The following PACRG variants were observed in gnomAD, a reference collection of about 807,000 sequenced individuals.
The protein encoded by PACRG is parkin coregulated.
Under a neutral mutation model 29.7 loss-of-function variants are expected in PACRG, and 29 were observed. The ratio of observed to expected loss-of-function variants is 0.98; its 90% CI spans 0.73 to 1.33. The LOEUF is 1.33. Ranked by LOEUF, PACRG falls within the 40% of genes most tolerant of loss-of-function variation. The probability of loss-of-function intolerance (pLI) is 0.00; values close to 1 mark genes in which losing one functional copy is unlikely to be tolerated. For missense variants in PACRG, 279 were observed against 316.2 expected (o/e 0.88, Z 0.89); for synonymous variants, 116 against 118.7 (o/e 0.98, Z 0.15).
chr6:162,859,667 G>A (rs1018056479), intron 2 of PACRG, among the ~76,000 whole-genome samples: 5 of 152,162 alleles, frequency 3.3e-5, no homozygotes, highest in African/African-American at 1.2e-4. Flanking sequence ...AGACCCTCAA[G>A]TGATAGGTGT....
In PACRG at chr6:163,285,623, A is replaced by G. The variant is rs1784372808; in HGVS notation, c.614-29204A>G. On this transcript the variant is annotated intron_variant, in intron 4 of 4. Transcript: ENST00000366888. The stretch of plus-strand genomic sequence containing the variant: ...AGCAATTAGGAAAATGGCCCAGCCC[A>G]GAGAGCTGGAGCAGAAATGAAGTCC... Among the ~76,000 whole-genome samples the G allele has an allele frequency of 2.6e-5, 4 of 152,208 alleles. No homozygotes were observed. In the South Asian group the frequency reaches 8.3e-4, roughly 32 times the overall value.
intron 1 of PACRG, among the ~76,000 whole-genome samples, chr6:162,809,956 G>A (rs774375495): frequency 1.1e-4 from 16 of 152,206 alleles, no homozygotes; most frequent in Non-Finnish European, 2.1e-4. Flanking sequence ...TCCCCACTTA[G>A]TGACGAAAGA....
At chr6:163,020,005 C>T (rs1562837342) in intron 2 of PACRG, among the ~76,000 whole-genome samples, 2 of 152,150 alleles carry the variant, frequency 1.3e-5, no homozygotes, top group Non-Finnish European at 2.9e-5. Context: ...ATGTCTTTGG[C>T]GAGATGTCTT....
intron 1 of PACRG, among the ~76,000 whole-genome samples, chr6:162,759,281 T>A (rs1016449885): frequency 3.3e-5 from 5 of 152,176 alleles, no homozygotes; most frequent in Non-Finnish European, 7.4e-5. Flanking sequence ...CCTTTCCAAT[T>A]CATACATTGT....
intron 4 of PACRG, among the ~76,000 whole-genome samples, 190 bp from the exon 5 acceptor site, chr6:163,314,637 C>T (rs1489547538): frequency 2.6e-5 from 4 of 152,170 alleles, no homozygotes; most frequent in African/African-American, 9.7e-5. Context: ...GGTTATTTTT[C>T]ATCGGCTCCA....
chr6:163,027,016 A>C (rs1428942274), intron 2 of PACRG, among the ~76,000 whole-genome samples: 2 of 152,248 alleles, frequency 1.3e-5, no homozygotes, highest in African/African-American at 4.8e-5. Flanking sequence ...AAGGATAAAA[A>C]TAGCATCCTC....
At chr6:162,784,203 G>A (rs1235822635) in intron 1 of PACRG, among the ~76,000 whole-genome samples, 1 of 152,086 alleles carries the variant, frequency 6.6e-6, no homozygotes, top group Non-Finnish European at 1.5e-5. Context: ...TTAACAATGT[G>A]ACAGGAACTT....
intron 4 of PACRG, among the ~76,000 whole-genome samples, chr6:163,255,001 A>T (rs1451763168): frequency 1.3e-5 from 2 of 152,354 alleles, no homozygotes; most frequent in Middle Eastern, 3.4e-3. Context: ...CTTACACGTG[A>T]AACCGAGGCT....
chr6:162,779,021 C>T (rs1572150), intron 1 of PACRG, among the ~76,000 whole-genome samples: 97,681 of 151,976 alleles, frequency 0.64, 31,811 homozygotes, highest in South Asian at 0.82. Context: ...CTTCCTGATG[C>T]GTTCCCTCCC....
At chr6:162,938,510 CCCA>C in intron 2 of PACRG, among the ~76,000 whole-genome samples, 1 of 151,628 alleles carries the variant, frequency 6.6e-6, no homozygotes, top group African/African-American at 2.4e-5. Flanking sequence ...AGTTTACACT[CCCA>C]CCAGTAGTGG....
Position 162,777,917 on chromosome 6 carries a change from A to G in PACRG, c.157-36230A>G, listed in dbSNP as rs1300915751. Among the ~76,000 whole-genome samples, 1 of 149,582 alleles carries G rather than the reference A, an allele frequency of 6.7e-6. No homozygotes were observed. The highest frequency in any genetic ancestry group is 2.0e-4 in the East Asian group (1 of 5,072). ...CTTCCTTCTTTCATTCCTTCCTTCCATCTCCTTTCTCCCAAAACATATTTG... is the reference window on the plus strand; with the variant it reads ...CTTCCTTCTTTCATTCCTTCCTTCCGTCTCCTTTCTCCCAAAACATATTTG... On this transcript the variant is annotated intron_variant, in intron 1 of 4. Coordinates refer to ENST00000366888, the MANE Select transcript of PACRG (RefSeq NM_001080379.2). The surrounding 1 kb of genome is among the most constrained non-coding windows in gnomAD (Gnocchi z 4.0).
At chr6:162,950,157 G>A (rs1167820300) in intron 2 of PACRG, among the ~76,000 whole-genome samples, 2 of 151,898 alleles carry the variant, frequency 1.3e-5, no homozygotes, top group African/African-American at 4.8e-5. Context: ...TGAACATTTT[G>A]ATTTTTATGT....
At chr6:162,868,920 A>G (rs1315447725) in intron 2 of PACRG, among the ~76,000 whole-genome samples, 1 of 152,238 alleles carries the variant, frequency 6.6e-6, no homozygotes, top group Non-Finnish European at 1.5e-5. Flanking sequence ...ATAGCTGCTG[A>G]CACAGGGCAG....
intron 2 of PACRG, among the ~76,000 whole-genome samples, chr6:162,886,760 T>G (rs1194008422): frequency 6.6e-6 from 1 of 152,192 alleles, no homozygotes; most frequent in Non-Finnish European, 1.5e-5. Context: ...TTCTAAGTAT[T>G]AGACACATTC....
intron 4 of PACRG, among the ~76,000 whole-genome samples, chr6:163,186,926 G>A (rs1779966607): frequency 6.6e-6 from 1 of 152,144 alleles, no homozygotes; most frequent in Admixed American, 6.5e-5. Context: ...CACTCCTGGG[G>A]CTCTTGACAT....
chr6:162,960,181 T>A (rs955096998), intron 2 of PACRG, among the ~76,000 whole-genome samples: 1 of 152,254 alleles, frequency 6.6e-6, no homozygotes, highest in Non-Finnish European at 1.5e-5. Context: ...GTTCATTCAC[T>A]GTGGAAAGCA....
intron 1 of PACRG, among the ~76,000 whole-genome samples, chr6:162,737,882 A>G (rs1246180439): frequency 6.6e-6 from 1 of 152,014 alleles, no homozygotes; most frequent in East Asian, 1.9e-4. Context: ...ATATTTTTAT[A>G]TTTATTTTAT....
At chr6:162,811,300 T>C (rs1514338) in intron 1 of PACRG, among the ~76,000 whole-genome samples, 54,282 of 151,932 alleles carry the variant, frequency 0.36, 11,457 homozygotes, top group African/African-American at 0.57. Context: ...AAATGAAGAA[T>C]GGATATCTTG....
chr6:163,286,426 A>G (rs548015159), intron 4 of PACRG, among the ~76,000 whole-genome samples: 2 of 152,346 alleles, frequency 1.3e-5, no homozygotes, highest in Non-Finnish European at 2.9e-5. Flanking sequence ...AGAAACAAAG[A>G]TGAAATTTTG....
Sources: allele counts gnomAD v4.1 joint callset (sites outside exome capture counted in the v4.1 genomes callset), GRCh38; gene constraint gnomAD v4.1.1; non-coding constraint Gnocchi (gnomAD v3.1); transcripts MANE v1.5; gene names NCBI Gene and HGNC (gene_info 2026-07-23, HGNC 2026-07-21).